Variants in MCTP2 observed in about 807,000 individuals in gnomAD.
The protein encoded by MCTP2 is multiple C2 and transmembrane domain containing 2, also known as multiple C2 and transmembrane domain-containing protein 2.
A neutral mutation model predicts 111.6 loss-of-function variants in MCTP2; 132 were observed. That is an observed-to-expected ratio of 1.18 (90% CI 1.03 to 1.37). The LOEUF is 1.37. Ranked by LOEUF, MCTP2 falls within the 40% of genes most tolerant of loss-of-function variation. The pLI is 0.00. For synonymous variants in MCTP2, 395 were observed against 387.7 expected (o/e 1.02, Z -0.22); for missense variants, 1,183 against 1,067.9 (o/e 1.11, Z -1.50).
intron 17 of MCTP2, among the ~76,000 whole-genome samples, chr15:94,422,254 G>A (rs1034295366): frequency 2.2e-4 from 34 of 152,072 alleles, no homozygotes; most frequent in African/African-American, 8.2e-4. Flanking sequence ...AGGAATGGAT[G>A]GGCTAGTTCC....
In MCTP2 at chr15:94,256,361, TCC is replaced by T. The variant is rs1421786418; in HGVS notation, c.-66+24699_-66+24700del. 2.0e-5 allele frequency among the ~76,000 whole-genome samples: 3 copies of T among 152,136 alleles called. No individual in the cohort carries two copies. The East Asian group carries it at 5.8e-4, about 29-fold the overall frequency. On this transcript the variant is annotated intron_variant, in intron 1 of 22. Transcript: ENST00000357742. ...AAATCTGAAATCAGAAATACTCTGG[TCC>T]CAAGCATTTTGAATAAGGGATACTC...
In MCTP2 at chr15:94,340,277, T is replaced by C; in HGVS notation, c.857+2T>C. The C allele has an allele frequency of 2.5e-6, 4 of 1,603,792 alleles. No homozygotes were observed. The highest frequency in any genetic ancestry group is 2.6e-6 in the Non-Finnish European group (3 of 1,170,852). ...TCTCAGTGATCTTGAGCTTAACAGGTACCGTATTTTTACATTTTAATTGTT... is the reference window on the plus strand; with the variant it reads ...TCTCAGTGATCTTGAGCTTAACAGGCACCGTATTTTTACATTTTAATTGTT... On this transcript the variant is annotated splice_donor_variant, in intron 6 of 22. Coordinates refer to ENST00000357742, the MANE Select transcript of MCTP2 (RefSeq NM_001385001.1). LOFTEE classifies it high-confidence loss of function.
rs539275364 is a variant in MCTP2 at position 94,306,196 on chromosome 15, T to C, written c.465+7466T>C. Among the ~76,000 whole-genome samples the C allele has an allele frequency of 7.9e-5, 12 of 152,268 alleles. No homozygotes were observed. The South Asian group carries it at 2.5e-3, about 32-fold the overall frequency. On this transcript the variant is annotated intron_variant, in intron 2 of 22. Transcript: ENST00000357742. ...CTTTTGAGAATTAGTAAGACTTAGA[T>C]AGGCAGAGAGTAATACAGATTAGTT...
At chr15:94,432,062 C>A (rs1567694304) in intron 17 of MCTP2, among the ~76,000 whole-genome samples, 1 of 152,120 alleles carries the variant, frequency 6.6e-6, no homozygotes. Context: ...CATACAAAAT[C>A]ATTAGATTTT....
At chr15:94,314,091 G>A (rs1304947560) in intron 2 of MCTP2, among the ~76,000 whole-genome samples, 191 bp from the exon 3 acceptor site, 10 of 152,194 alleles carry the variant, frequency 6.6e-5, no homozygotes, top group East Asian at 5.8e-4. Context: ...TGACTTAGGC[G>A]GCAGAGGACA....
chr15:94,240,381 T>G (rs2070859402), intron 1 of MCTP2, among the ~76,000 whole-genome samples: 1 of 152,180 alleles, frequency 6.6e-6, no homozygotes, highest in Admixed American at 6.5e-5. Flanking sequence ...GATTTCAAGC[T>G]AGTGCTGTTT....
At chr15:94,428,853 C>G (rs1361022639) in intron 17 of MCTP2, among the ~76,000 whole-genome samples, 1 of 152,106 alleles carries the variant, frequency 6.6e-6, no homozygotes, top group Non-Finnish European at 1.5e-5. Context: ...ATCACATAGT[C>G]CATCTTTAAA....
chr15:94,454,230 AATG>A (rs1333554202), intron 19 of MCTP2, among the ~76,000 whole-genome samples: 1 of 152,234 alleles, frequency 6.6e-6, no homozygotes, highest in Non-Finnish European at 1.5e-5. Flanking sequence ...TTAACTTTAT[AATG>A]ATAATATGAA....
chr15:94,302,532 C>A (rs761202793), intron 2 of MCTP2, among the ~76,000 whole-genome samples: 2 of 152,188 alleles, frequency 1.3e-5, no homozygotes, highest in African/African-American at 4.8e-5. Flanking sequence ...TGAGAACATA[C>A]GCTTAGAAGA....
chr15:94,340,149 C>A (rs775441286), intron 5 of MCTP2, 50 bp from the exon 6 acceptor site: 2 of 1,267,248 alleles, frequency 1.6e-6, no homozygotes, highest in Non-Finnish European at 2.3e-6. Flanking sequence ...TTGAAAAACT[C>A]AGTTGGTTTA....
Position 94,476,206 on chromosome 15 carries a change from C to G in MCTP2, c.2471-490C>G, listed in dbSNP as rs959917919. Among the ~76,000 whole-genome samples the G allele has an allele frequency of 6.6e-5, 10 of 152,314 alleles. No individual in the cohort carries two copies. The South Asian group carries it at 8.3e-4, about 13-fold the overall frequency. ...AACAACTCCCGCCCTCTACCTCCCA[C>G]TGCTACGTTTGGTCCAGAGCCTCCA... On this transcript the variant is annotated intron_variant, in intron 21 of 22. Transcript: ENST00000357742.
intron 1 of MCTP2, among the ~76,000 whole-genome samples, chr15:94,234,007 G>A (rs1218430960): frequency 6.6e-6 from 1 of 152,062 alleles, no homozygotes; most frequent in African/African-American, 2.4e-5. Flanking sequence ...AGAATATTTT[G>A]CCTGCGTCAA....
intron 4 of MCTP2, among the ~76,000 whole-genome samples, chr15:94,318,272 A>AT (rs199556945): frequency 0.02 from 2,828 of 142,168 alleles, 48 homozygotes; most frequent in Non-Finnish European, 0.031. Flanking sequence ...CAAAAAAAAA[A>AT]TTTTTTTTTT....
intron 19 of MCTP2, among the ~76,000 whole-genome samples, chr15:94,455,487 G>C (rs551394478): frequency 4.0e-5 from 6 of 151,776 alleles, no homozygotes; most frequent in African/African-American, 1.2e-4. Context: ...CGCCAGGCTC[G>C]AGTGCAGTGG....
At chr15:94,402,118 C>G (rs2081627596) in intron 17 of MCTP2, 99 bp downstream of exon 17, 1 of 1,447,854 alleles carries the variant, frequency 6.9e-7, no homozygotes, top group African/African-American at 1.4e-5. Flanking sequence ...TGGGGGTTGT[C>G]TTTCTAAGAC....
intron 17 of MCTP2, among the ~76,000 whole-genome samples, chr15:94,409,103 T>C (rs1360458465): frequency 2.0e-5 from 3 of 152,148 alleles, no homozygotes; most frequent in Non-Finnish European, 2.9e-5. Flanking sequence ...CAAAGGAGAT[T>C]TGAGTCAGTG....
At chr15:94,383,982 A>G in intron 12 of MCTP2, 40 bp from the exon 13 acceptor site, 6 of 1,425,820 alleles carry the variant, frequency 4.2e-6, no homozygotes, top group Non-Finnish European at 5.9e-6. Context: ...CCCTTTCGAG[A>G]TTCACTTGTC....
chr15:94,387,141 C>CT (rs1209579675), intron 14 of MCTP2, among the ~76,000 whole-genome samples: 2 of 151,668 alleles, frequency 1.3e-5, no homozygotes, highest in East Asian at 3.9e-4. Flanking sequence ...TTCCTCCTTC[C>CT]CCCCTTCCTC....
At chr15:94,249,804 C>T (rs953089091) in intron 1 of MCTP2, among the ~76,000 whole-genome samples, 2 of 152,040 alleles carry the variant, frequency 1.3e-5, no homozygotes, top group Admixed American at 6.6e-5. Context: ...TTTTTAATAA[C>T]AGCTCTTCAG....
Sources: gnomAD v4.1 joint callset for allele counts (sites outside exome capture counted in the v4.1 genomes callset) on GRCh38, gnomAD v4.1.1 for gene constraint, MANE v1.5 for transcripts, NCBI Gene and HGNC (gene_info 2026-07-23, HGNC 2026-07-21) for gene names.